The following CALN1 variants were observed in gnomAD, a reference collection of about 807,000 sequenced individuals.
CALN1 encodes the protein calneuron 1.
CALN1 carries 17 observed loss-of-function variants against 30.6 expected under a neutral mutation model. That is an observed-to-expected ratio of 0.56 (90% CI 0.38 to 0.83). The LOEUF is 0.83. Among genes scored for constraint, CALN1 ranks in the 40% least tolerant of loss-of-function variants. The probability of loss-of-function intolerance (pLI) is 0.00; values close to 1 mark genes in which losing one functional copy is unlikely to be tolerated. For synonymous variants in CALN1, 156 were observed against 131.4 expected (o/e 1.19, Z -1.28); for missense variants, 291 against 354.9 (o/e 0.82, Z 1.45).
chr7:71,793,869 C>CAA (rs1554337935), intron 6 of CALN1, among the ~76,000 whole-genome samples: 19 of 137,704 alleles, frequency 1.4e-4, no homozygotes, highest in African/African-American at 5.8e-4. Flanking sequence ...CTAAAAAAAC[C>CAA]AAAAAAAACA....
At chr7:72,226,478 T>C (rs940498769) in intron 3 of CALN1, among the ~76,000 whole-genome samples, 1 of 152,092 alleles carries the variant, frequency 6.6e-6, no homozygotes, top group Non-Finnish European at 1.5e-5. Context: ...GTCAAGAAAG[T>C]AGGCAACTTC....
At chr7:72,291,447 C>T (rs1775665206) in intron 2 of CALN1, among the ~76,000 whole-genome samples, 1 of 152,212 alleles carries the variant, frequency 6.6e-6, no homozygotes, top group Non-Finnish European at 1.5e-5. Flanking sequence ...CCCCGTCCAT[C>T]ACACAGGGCA....
At chr7:72,314,338 CATAT>C (rs923185895) in intron 2 of CALN1, among the ~76,000 whole-genome samples, 1 of 142,920 alleles carries the variant, frequency 7.0e-6, no homozygotes, top group Non-Finnish European at 1.5e-5. Context: ...ACTATGTTAA[CATAT>C]ATATATACAT....
In CALN1 at chr7:71,869,101, C is replaced by T. The variant is rs537739020; in HGVS notation, c.502-58609G>A. 2.4e-4 allele frequency among the ~76,000 whole-genome samples: 36 copies of T among 152,270 alleles called. No individual in the cohort carries two copies. The South Asian group carries it at 5.6e-3, about 24-fold the overall frequency. On this transcript the variant is annotated intron_variant, in intron 5 of 6. Transcript: ENST00000395275. ...ATGGGGGCAGGGACAGAGTGCTTCT[C>T]CTCTCCTAAAATGGGAGATGAGAAA...
rs188851851 is a variant in CALN1 at position 71,801,271 on chromosome 7, G to C, written c.658+9065C>G. On this transcript the variant is annotated intron_variant, in intron 6 of 6. Coordinates refer to ENST00000395275, the MANE Select transcript of CALN1 (RefSeq NM_031468.4). ...TCTGTCACCCAGGCTGGAGTGAAGT[G>C]GTGCGACTGTGGCTTACTGCAGCCT... 2.0e-5 allele frequency among the ~76,000 whole-genome samples: 3 copies of C among 152,194 alleles called. No homozygotes were observed. In the South Asian group the frequency reaches 6.2e-4, roughly 32 times the overall value.
At chr7:72,407,891 A>G (rs1806813004) in intron 1 of CALN1, among the ~76,000 whole-genome samples, 1 of 152,136 alleles carries the variant, frequency 6.6e-6, no homozygotes. Context: ...CTGGAAACTC[A>G]GACACAAACA....
chr7:72,185,441 C>G (rs1790117670), intron 3 of CALN1, among the ~76,000 whole-genome samples: 1 of 152,182 alleles, frequency 6.6e-6, no homozygotes, highest in Non-Finnish European at 1.5e-5. Flanking sequence ...CTGGGATTCG[C>G]AGAGGAAGGC....
chr7:71,865,358 C>G (rs913863707), intron 5 of CALN1, among the ~76,000 whole-genome samples: 1 of 152,210 alleles, frequency 6.6e-6, no homozygotes. Context: ...GCCTGCTTCT[C>G]CAGGAGGTGG....
chr7:72,449,905 A>G (rs920199041), upstream of CALN1, among the ~76,000 whole-genome samples: 1 of 143,638 alleles, frequency 7.0e-6, no homozygotes, highest in African/African-American at 2.6e-5. Flanking sequence ...AAAAAAAAGA[A>G]TATTCGGTCA....
chr7:72,278,814 C>T lies in CALN1; in HGVS notation c.120-4G>A. ...ATGGTGGAACGGCATCTTTTCCCTG[C>T]CCAAGAGAGAACAGGGGAGGGGAAA... On this transcript the variant is annotated splice_polypyrimidine_tract_variant and splice_region_variant and intron_variant, in intron 2 of 6. Coordinates refer to ENST00000395275, the MANE Select transcript of CALN1 (RefSeq NM_031468.4). The T allele has an allele frequency of 1.2e-6, 2 of 1,610,534 alleles. No individual in the cohort carries two copies. The highest frequency in any genetic ancestry group is 1.3e-5 in the African/African-American group (1 of 75,008).
chr7:72,354,767 C>G (rs1803125369), intron 2 of CALN1, among the ~76,000 whole-genome samples: 1 of 152,054 alleles, frequency 6.6e-6, no homozygotes, highest in Non-Finnish European at 1.5e-5. Flanking sequence ...AACTTTGATA[C>G]TTTATTTACC....
At chr7:72,422,436 G>A (rs926164279) in intron 1 of CALN1, among the ~76,000 whole-genome samples, 1 of 152,162 alleles carries the variant, frequency 6.6e-6, no homozygotes. Context: ...TTTTGATGAA[G>A]TCTTTTCAAG....
intron 5 of CALN1, among the ~76,000 whole-genome samples, chr7:71,907,206 A>C (rs1202891901): frequency 1.3e-5 from 2 of 151,518 alleles, no homozygotes; most frequent in Non-Finnish European, 2.9e-5. Context: ...CAAATTGCTA[A>C]ATCAATTTAC....
chr7:72,027,370 T>A (rs1801131900), intron 4 of CALN1, among the ~76,000 whole-genome samples: 1 of 152,178 alleles, frequency 6.6e-6, no homozygotes, highest in African/African-American at 2.4e-5. Flanking sequence ...GAGGTCTAAC[T>A]GTTCATAGAG....
intron 2 of CALN1, among the ~76,000 whole-genome samples, chr7:72,342,723 G>A (rs993375352): frequency 2.0e-5 from 3 of 151,730 alleles, no homozygotes; most frequent in East Asian, 1.9e-4. Context: ...ATAATCCTCC[G>A]GTAAATATCC....
intron 3 of CALN1, among the ~76,000 whole-genome samples, chr7:72,266,665 T>C (rs956712639): frequency 6.6e-6 from 1 of 152,184 alleles, no homozygotes; most frequent in African/African-American, 2.4e-5. Context: ...AGAATATAAA[T>C]TACAAATTAA....
At chr7:72,380,394 G>C (rs570843380) in intron 2 of CALN1, among the ~76,000 whole-genome samples, 2 of 152,292 alleles carry the variant, frequency 1.3e-5, no homozygotes, top group South Asian at 2.1e-4. Context: ...CCAACACTTT[G>C]AGAGGATCAT....
chr7:72,318,932 G>C (rs958455051), intron 2 of CALN1, among the ~76,000 whole-genome samples: 2 of 151,842 alleles, frequency 1.3e-5, no homozygotes, highest in South Asian at 4.2e-4. Context: ...TAGTCTGTTA[G>C]TGTGAATACA....
intron 5 of CALN1, among the ~76,000 whole-genome samples, chr7:71,960,170 TAAATAAATAAATAAAATAAAATAAAA>T (rs1303869805): frequency 3.6e-5 from 4 of 112,140 alleles, no homozygotes; most frequent in Non-Finnish European, 6.1e-5. Context: ...AATAAATAAA[TAAATAAATAAATAAAATAAAATAAAA>T]AAATAAAATA....
Sources: gnomAD v4.1 joint callset for allele counts (sites outside exome capture counted in the v4.1 genomes callset) on GRCh38, gnomAD v4.1.1 for gene constraint, MANE v1.5 for transcripts, NCBI Gene and HGNC (gene_info 2026-07-23, HGNC 2026-07-21) for gene names.